SACS: variants seen among roughly 807,000 people sequenced by gnomAD.
The protein encoded by SACS is sacsin.
SACS carries 197 observed loss-of-function variants against 348.0 expected under a neutral mutation model. The observed-to-expected ratio is 0.57, with a 90% CI of 0.50 to 0.64. The LOEUF (loss-of-function observed/expected upper bound fraction) is 0.64, where lower values mean the gene tolerates loss of function less well. SACS is among the 30% of genes least tolerant of loss of function. SACS has a pLI of 0.00. For missense variants in SACS, 4,999 were observed against 5,360.8 expected (o/e 0.93, Z 2.11); for synonymous variants, 1,985 against 1,910.6 (o/e 1.04, Z -1.02).
In SACS at chr13:23,333,989, G is replaced by A. The variant is rs779195622; in HGVS notation, c.9887C>T (p.Pro3296Leu). 33 of 1,613,734 alleles carry A rather than the reference G, an allele frequency of 2.0e-5. No homozygotes were observed. Among genetic ancestry groups the A allele is most frequent in the Non-Finnish European group, 2.6e-5 (31 of 1,179,822 alleles). The change falls in exon 10 of 10, where the codon CCT (proline) becomes CTT (leucine). Residue 3296 changes from proline to leucine, a missense_variant. Physicochemically the swap from Pro to Leu is moderately conservative, Grantham distance 98. This residue lies in a region of SACS where 734 missense variants were observed against 694.0 expected (regional missense o/e 1.06). Transcript: ENST00000382292. ...GAGAGGAAGCAGAACATCTCCTTCAGGAACCACAAGCTGGTTGGCTGAAAC... is the reference window on the plus strand; with the variant it reads ...GAGAGGAAGCAGAACATCTCCTTCAAGAACCACAAGCTGGTTGGCTGAAAC... ...FTVSANQLVV[P>L]EGDVLLPLSL...
In SACS at chr13:23,339,674, C is replaced by T; in HGVS notation, c.4202G>A (p.Cys1401Tyr). ...ATTAAGGTCATCAACTTTAATGTCA[C>T]AATAACAGCATTCGTGAATTGGCTT... ...IMKPIHECCY[C>Y]DIKVDDLNDL... The change falls in exon 10 of 10, where the codon TGT (cysteine) becomes TAT (tyrosine). Residue 1401 changes from cysteine to tyrosine, a missense_variant. Physicochemically the swap from Cys to Tyr is radical, Grantham distance 194. Around this residue, in one of 6 missense-constraint regions of SACS, gnomAD observed 3,156 missense variants for 3,380.1 expected, o/e 0.93. Coordinates refer to ENST00000382292, the MANE Select transcript of SACS (RefSeq NM_014363.6). 1 of 1,613,962 alleles carries T rather than the reference C, an allele frequency of 6.2e-7. No individual in the cohort carries two copies. Among genetic ancestry groups the T allele is most frequent in the South Asian group, 1.1e-5 (1 of 91,042 alleles).
chr13:23,340,261 G>C lies in SACS; in HGVS notation c.3615C>G (p.Ile1205Met). 1 of 1,612,392 alleles carries C rather than the reference G, an allele frequency of 6.2e-7. No individual in the cohort carries two copies. Among genetic ancestry groups the C allele is most frequent in the Admixed American group, 1.7e-5 (1 of 59,778 alleles). ...CTAATGCTTTTTCCAGGTTTACATG[G>C]ATACTTTCAACAAGAGGAAGTGAGG... ...IGSSLPLVESIHVNLEKALGI... is the reference protein window; with the variant it reads ...IGSSLPLVESMHVNLEKALGI... Residue 1205 changes from isoleucine to methionine, a missense_variant, in exon 10 of 10, where the codon ATC becomes ATG. Coordinates refer to ENST00000382292, the MANE Select transcript of SACS (RefSeq NM_014363.6).
At position 23,335,848 on chromosome 13, in the gene SACS, T is replaced by C. The variant is rs773272455; in HGVS notation, c.8028A>G (p.Thr2676=). 2.5e-6 allele frequency: 4 copies of C among 1,613,878 alleles called. No individual in the cohort carries two copies. The highest frequency in any genetic ancestry group is 2.7e-5 in the African/African-American group (2 of 74,926). The part of the protein sequence containing the change: ...MFRDLDADFR[T]QFSDVLDLYL... ...AAAGATCCAGAACATCTGAGAACTG[T>C]GTCCTAAAATCTGCATCCAAATCTC... The change falls in exon 10 of 10, where the codon ACA becomes ACG. Residue 2676 remains threonine (T), a synonymous_variant. Coordinates refer to ENST00000382292, the MANE Select transcript of SACS (RefSeq NM_014363.6). The surrounding 1 kb of genome is among the most constrained non-coding windows in gnomAD (Gnocchi z 4.7).
At chr13:23,400,156 G>T (rs1236378059) in intron 2 of SACS, among the ~76,000 whole-genome samples, 2 of 152,186 alleles carry the variant, frequency 1.3e-5, no homozygotes, top group African/African-American at 4.8e-5. Context: ...ATAGAATGTG[G>T]ATTTTTCCCA....
At chr13:23,367,602 T>C (rs1470818818) in intron 5 of SACS, among the ~76,000 whole-genome samples, 1 of 152,184 alleles carries the variant, frequency 6.6e-6, no homozygotes, top group Admixed American at 6.6e-5. Flanking sequence ...TTATTGTTTG[T>C]TTGTTTTTTG....
intron 2 of SACS, among the ~76,000 whole-genome samples, chr13:23,407,801 C>G (rs151130853): frequency 5.9e-5 from 9 of 152,174 alleles, no homozygotes; most frequent in Non-Finnish European, 1.3e-4. Context: ...GCATGCATCC[C>G]GCCAAGTCAG....
intron 1 of SACS, chr13:23,427,828 CGAG>C (rs1566115716): frequency 6.6e-6 from 1 of 152,070 alleles, no homozygotes; most frequent in African/African-American, 2.4e-5. Flanking sequence ...GGCTGGTCCC[CGAG>C]GACGAGGACG....
chr13:23,370,421 C>A (rs1871312298), intron 4 of SACS, among the ~76,000 whole-genome samples: 1 of 152,200 alleles, frequency 6.6e-6, no homozygotes, highest in African/African-American at 2.4e-5. Flanking sequence ...AAAGTTTCCT[C>A]CCATCTCTTC....
At chr13:23,405,317 T>G (rs191745884) in intron 2 of SACS, among the ~76,000 whole-genome samples, 1 of 152,300 alleles carries the variant, frequency 6.6e-6, no homozygotes, top group Admixed American at 6.5e-5. Context: ...GGGAAAAGAT[T>G]CCCTACTTAA....
chr13:23,356,865 A>G (rs932810600), intron 7 of SACS, among the ~76,000 whole-genome samples: 1 of 152,184 alleles, frequency 6.6e-6, no homozygotes, highest in Non-Finnish European at 1.5e-5. Flanking sequence ...AGCTGTCACA[A>G]TCACCAACTC....
Position 23,335,024 on chromosome 13 carries a change from A to G in SACS, c.8852T>C (p.Val2951Ala). ...AAACTTCTTTAAAGTGTCCTTTACA[A>G]CATGAATAGGGGTGTTCTGTAACAC... is the stretch of plus-strand genomic sequence containing the variant. ...LSVLQNTPIH[V>A]VKDTLKKFLS... Residue 2951 changes from valine to alanine, a missense_variant, in exon 10 of 10, where the codon GTT (valine) becomes GCT (alanine). Val to Ala is a moderately conservative substitution (Grantham distance 64). This residue lies in a region of SACS where 734 missense variants were observed against 694.0 expected (regional missense o/e 1.06). Coordinates refer to ENST00000382292, the MANE Select transcript of SACS (RefSeq NM_014363.6). This position sits in a 1 kb window ranked among gnomAD's most constrained non-coding sequence, Gnocchi z 4.7. The G allele has an allele frequency of 6.2e-7, 1 of 1,613,676 alleles. No individual in the cohort carries two copies. Among genetic ancestry groups the G allele is most frequent in the East Asian group, 2.2e-5 (1 of 44,876 alleles).
intron 1 of SACS, among the ~76,000 whole-genome samples, chr13:23,419,535 G>T (rs776809038): frequency 6.6e-6 from 1 of 152,108 alleles, no homozygotes; most frequent in Non-Finnish European, 1.5e-5. Context: ...GGCGTGTTAT[G>T]TCTCCATGTC....
chr13:23,376,870 G>A (rs1871829384), intron 2 of SACS, among the ~76,000 whole-genome samples: 1 of 152,140 alleles, frequency 6.6e-6, no homozygotes, highest in African/African-American at 2.4e-5. Flanking sequence ...TGGCCAACAT[G>A]GTGAAACCCT....
rs1883327694 is a variant in SACS, at chr13:23,329,434, G to C, written c.*702C>G. 1.3e-6 allele frequency: 1 copy of C among 769,392 alleles called. No homozygotes were observed. Among genetic ancestry groups the C allele is most frequent in the Non-Finnish European group, 2.4e-6 (1 of 414,888 alleles). The allele number at this position is 769,392 out of a possible 1,614,324, so 47.7% of individuals were successfully genotyped here. On this transcript the variant is annotated 3_prime_UTR_variant, in exon 10 of 10. Transcript: ENST00000382292. Reference sequence around the variant, plus strand: ...AAACAATACTAACAACTGGTAATAAGAACTGCCACCATTTTGAGTTTTCCG... The same window carrying C: ...AAACAATACTAACAACTGGTAATAACAACTGCCACCATTTTGAGTTTTCCG...
At chr13:23,404,471 G>A (rs1204972427) in intron 2 of SACS, among the ~76,000 whole-genome samples, 1 of 152,142 alleles carries the variant, frequency 6.6e-6, no homozygotes, top group East Asian at 1.9e-4. Context: ...ATATCATACT[G>A]AATGGGCAAA....
chr13:23,332,214 G>A lies in SACS; in HGVS notation c.11662C>T (p.Leu3888=), dbSNP rs1186669112. Reference sequence around the variant, plus strand: ...CTCACCTTGACTGAATCATTCTGTAGACTCCTGAACAGACCAGAAACTACT... The same window carrying A: ...CTCACCTTGACTGAATCATTCTGTAAACTCCTGAACAGACCAGAAACTACT... ...KRVVSGLFRS[L]QNDSVKVRSD... The change falls in exon 10 of 10, where the codon CTA becomes TTA. Residue 3888 remains leucine, a synonymous_variant. Coordinates refer to ENST00000382292, the MANE Select transcript of SACS (RefSeq NM_014363.6). The A allele has an allele frequency of 1.9e-6, 3 of 1,613,970 alleles. No homozygotes were observed. The East Asian group carries it at 6.7e-5, about 36-fold the overall frequency.
chr13:23,338,353 T>C lies in SACS; in HGVS notation c.5523A>G (p.Leu1841=). 1 of 1,614,164 alleles carries C rather than the reference T, an allele frequency of 6.2e-7. No individual in the cohort carries two copies. The highest frequency in any genetic ancestry group is 1.7e-5 in the Admixed American group (1 of 60,030). Residue 1841 remains leucine (L), a synonymous_variant, in exon 10 of 10, where the codon CTA becomes CTG. Transcript: ENST00000382292. ...KFSLSESGRR[L]GLVPCGAVGV... ...CTACTGCCCCACATGGAACCAGTCC[T>C]AGTCTTCTTCCACTCTCACTCAGGG... is the stretch of plus-strand genomic sequence containing the variant.
chr13:23,409,277 G>A lies in SACS; in HGVS notation c.20+1943C>T, dbSNP rs185242655. Among the ~76,000 whole-genome samples the A allele has an allele frequency of 8.3e-3, 1,222 of 148,106 alleles. 16 individuals are homozygous for A. Among genetic ancestry groups the A allele is most frequent in the African/African-American group, 0.029 (1,182 of 40,162 alleles). ...TCACTGTGTTAGCCAGGATGGTTTCGATCTCCTGACCTCATGATCCGCCCG... is the reference window on the plus strand; with the variant it reads ...TCACTGTGTTAGCCAGGATGGTTTCAATCTCCTGACCTCATGATCCGCCCG... On this transcript the variant is annotated intron_variant, in intron 2 of 9. Transcript: ENST00000382292.
chr13:23,368,316 T>G, intron 5 of SACS, 86 bp downstream of exon 5: 2 of 987,704 alleles, frequency 2.0e-6, no homozygotes, highest in Admixed American at 2.3e-5. Flanking sequence ...TTTTAAAAAT[T>G]TAAACACTAA....
Sources: gnomAD v4.1 joint callset for allele counts (sites outside exome capture counted in the v4.1 genomes callset) on GRCh38, gnomAD v4.1.1 for gene constraint, gnomAD v4.1.1 regional missense constraint, Gnocchi (gnomAD v3.1) non-coding constraint, MANE v1.5 for transcripts, NCBI Gene and HGNC (gene_info 2026-07-23, HGNC 2026-07-21) for gene names.